Variants in PTPRO observed in about 807,000 individuals in gnomAD.
PTPRO encodes the protein protein tyrosine phosphatase receptor type O, also known as receptor-type tyrosine-protein phosphatase O.
PTPRO carries 62 observed loss-of-function variants against 145.2 expected under a neutral mutation model. The ratio of observed to expected loss-of-function variants is 0.43; its 90% CI spans 0.35 to 0.53. PTPRO has a LOEUF of 0.53. Among genes scored for constraint, PTPRO ranks in the 20% least tolerant of loss-of-function variants. The pLI is 0.01. For synonymous variants in PTPRO, 565 were observed against 514.7 expected (o/e 1.10, Z -1.32); for missense variants, 1,345 against 1,482.7 (o/e 0.91, Z 1.53).
chr12:15,442,673 A>C (rs1362284242), intron 1 of PTPRO, among the ~76,000 whole-genome samples: 1 of 152,192 alleles, frequency 6.6e-6, no homozygotes, highest in East Asian at 1.9e-4. Flanking sequence ...ATGTACAAAA[A>C]TTAGTAGCAG....
At chr12:15,324,752 T>C (rs1211140926) in intron 1 of PTPRO, among the ~76,000 whole-genome samples, 1 of 152,116 alleles carries the variant, frequency 6.6e-6, no homozygotes, top group Non-Finnish European at 1.5e-5. Context: ...TATGTGCTGG[T>C]TTTTTAGGCA....
intron 18 of PTPRO, among the ~76,000 whole-genome samples, chr12:15,567,315 A>T (rs10846211): frequency 6.6e-6 from 1 of 151,624 alleles, no homozygotes; most frequent in Non-Finnish European, 1.5e-5. Flanking sequence ...CACCACTACC[A>T]TATCCCCCTG....
intron 1 of PTPRO, among the ~76,000 whole-genome samples, chr12:15,459,591 C>T (rs1322121465): frequency 6.6e-6 from 1 of 152,142 alleles, no homozygotes; most frequent in Non-Finnish European, 1.5e-5. Flanking sequence ...TCTAAACTGG[C>T]TTCTGAATTT....
At chr12:15,465,064 T>C (rs1013406863) in intron 1 of PTPRO, among the ~76,000 whole-genome samples, 8 of 152,222 alleles carry the variant, frequency 5.3e-5, no homozygotes, top group African/African-American at 1.9e-4. Flanking sequence ...TAATGTTTCC[T>C]TAACACCAAA....
At chr12:15,442,691 C>T (rs143401317) in intron 1 of PTPRO, among the ~76,000 whole-genome samples, 135 of 152,170 alleles carry the variant, frequency 8.9e-4, no homozygotes, top group African/African-American at 3.2e-3. Flanking sequence ...CAGTTTTATA[C>T]ACCAATAGCA....
intron 12 of PTPRO, among the ~76,000 whole-genome samples, chr12:15,535,891 G>A (rs1943056635): frequency 6.6e-6 from 1 of 152,040 alleles, no homozygotes; most frequent in African/African-American, 2.4e-5. Context: ...ATTTGGCTAT[G>A]GACAAGAAAA....
chr12:15,331,322 G>A (rs1291537782), intron 1 of PTPRO, among the ~76,000 whole-genome samples: 3 of 152,106 alleles, frequency 2.0e-5, no homozygotes, highest in African/African-American at 7.2e-5. Flanking sequence ...CTGGAGACTG[G>A]GAGGTATAAA....
chr12:15,503,076 T>A (rs1327205771), intron 5 of PTPRO, among the ~76,000 whole-genome samples: 1 of 152,170 alleles, frequency 6.6e-6, no homozygotes, highest in Non-Finnish European at 1.5e-5. Flanking sequence ...ATTATTTGAG[T>A]CAAAAGTCAT....
chr12:15,525,966 C>A (rs1942828719), intron 11 of PTPRO, among the ~76,000 whole-genome samples, 176 bp from the exon 12 acceptor site: 1 of 152,068 alleles, frequency 6.6e-6, no homozygotes, highest in Non-Finnish European at 1.5e-5. Flanking sequence ...CACATTGGGC[C>A]CAGCTGAGGA....
chr12:15,322,652 C>CA lies in PTPRO; in HGVS notation c.-74dup. 1 of 1,283,324 alleles carries CA rather than the reference C, an allele frequency of 7.8e-7. No individual in the cohort carries two copies. Among genetic ancestry groups the CA allele is most frequent in the South Asian group, 1.3e-5 (1 of 79,108 alleles). 79.5% of individuals were successfully genotyped at this position (1,283,324 alleles called of 1,614,324 possible). A position where few individuals can be genotyped will look rare whatever the true frequency, so the allele number is the denominator to read the frequency against. On this transcript the variant is annotated 5_prime_UTR_variant, in exon 1 of 27. Transcript: ENST00000281171. The surrounding 1 kb of genome is among the most constrained non-coding windows in gnomAD (Gnocchi z 6.3). ...CGCCCAGGGTCTGAGGCTGCAGCCCCAGTTCGCCATTGTGAGCCGCCGCCG... is the reference window on the plus strand; with the variant it reads ...CGCCCAGGGTCTGAGGCTGCAGCCCCAAGTTCGCCATTGTGAGCCGCCGCCG...
chr12:15,585,924 T>G (rs1944421451), intron 23 of PTPRO, among the ~76,000 whole-genome samples: 1 of 152,228 alleles, frequency 6.6e-6, no homozygotes, highest in Non-Finnish European at 1.5e-5. Flanking sequence ...ATATATTTGA[T>G]GTATGGGTTA....
At chr12:15,491,761 A>G (rs571878682) in intron 2 of PTPRO, among the ~76,000 whole-genome samples, 1 of 152,334 alleles carries the variant, frequency 6.6e-6, no homozygotes, top group East Asian at 1.9e-4. Context: ...TAAGAACCAG[A>G]AACAAGATAA....
rs200744599 is a variant in PTPRO at position 15,589,600 on chromosome 12, T to A, written c.3546+10T>A. The A allele has an allele frequency of 3.7e-6, 6 of 1,613,880 alleles. No individual in the cohort carries two copies. The highest frequency in any genetic ancestry group is 4.2e-6 in the Non-Finnish European group (5 of 1,179,864). The stretch of plus-strand genomic sequence containing the variant: ...TATGGTACAGACAGAGGTAGGAACA[T>A]AATCTATATGTATTTTTAAATTTTC... On this transcript the variant is annotated intron_variant, in intron 25 of 26. Coordinates refer to ENST00000281171, the MANE Select transcript of PTPRO (RefSeq NM_030667.3).
chr12:15,449,021 TTTAA>T (rs1940980395), intron 1 of PTPRO, among the ~76,000 whole-genome samples: 3 of 151,674 alleles, frequency 2.0e-5, no homozygotes, highest in Non-Finnish European at 4.4e-5. Flanking sequence ...AAATTTAAAG[TTTAA>T]TTGAGCAACA....
chr12:15,340,696 T>C (rs1409330167), intron 1 of PTPRO, among the ~76,000 whole-genome samples: 2 of 152,212 alleles, frequency 1.3e-5, no homozygotes, highest in Non-Finnish European at 2.9e-5. Flanking sequence ...TTCTTTTAAA[T>C]CTGGAGCTTT....
chr12:15,588,920 C>A (rs530840330), intron 24 of PTPRO, among the ~76,000 whole-genome samples: 2 of 152,260 alleles, frequency 1.3e-5, no homozygotes, highest in South Asian at 4.1e-4. Context: ...AGGAACGTAG[C>A]CATGATAGTC....
intron 12 of PTPRO, among the ~76,000 whole-genome samples, chr12:15,530,596 T>C (rs1942941681): frequency 6.6e-6 from 1 of 151,986 alleles, no homozygotes; most frequent in Non-Finnish European, 1.5e-5. Context: ...AACAAACACA[T>C]GGAAATTGAA....
At chr12:15,505,678 T>C (rs1435903582) in intron 6 of PTPRO, among the ~76,000 whole-genome samples, 2 of 152,172 alleles carry the variant, frequency 1.3e-5, no homozygotes, top group Non-Finnish European at 2.9e-5. Flanking sequence ...CAGACATAAA[T>C]ACTTACACCT....
Position 15,327,000 on chromosome 12 carries a change from T to C in PTPRO, c.75+4199T>C, listed in dbSNP as rs914145323. On this transcript the variant is annotated intron_variant, in intron 1 of 26. Transcript: ENST00000281171. Reference sequence around the variant, plus strand: ...CTAGTATGTGGTGTTAGGAATTTAATAGAAGGTTAATAAACAGATTTAAAT... The same window carrying C: ...CTAGTATGTGGTGTTAGGAATTTAACAGAAGGTTAATAAACAGATTTAAAT... 4.6e-5 allele frequency among the ~76,000 whole-genome samples: 7 copies of C among 152,384 alleles called. No homozygotes were observed. In the East Asian group the frequency reaches 5.8e-4, roughly 13 times the overall value.
Sources: gnomAD v4.1 joint callset for allele counts (sites outside exome capture counted in the v4.1 genomes callset) on GRCh38, gnomAD v4.1.1 for gene constraint, Gnocchi (gnomAD v3.1) non-coding constraint, MANE v1.5 for transcripts, NCBI Gene and HGNC (gene_info 2026-07-23, HGNC 2026-07-21) for gene names.